Variants in TENM2 observed in about 807,000 individuals in gnomAD.
The protein encoded by TENM2 is teneurin transmembrane protein 2.
A neutral mutation model predicts 245.2 loss-of-function variants in TENM2; 52 were observed. That is an observed-to-expected ratio of 0.21 (90% CI 0.17 to 0.27). TENM2 has a LOEUF of 0.27. Among genes scored for constraint, TENM2 ranks in the 10% least tolerant of loss-of-function variants. The pLI, the probability that TENM2 is intolerant of heterozygous loss-of-function variation, is 1.00. For missense variants in TENM2, 3,046 were observed against 3,666.8 expected (o/e 0.83, Z 4.37); for synonymous variants, 1,363 against 1,438.9 (o/e 0.95, Z 1.19).
intron 2 of TENM2, among the ~76,000 whole-genome samples, chr5:167,410,611 A>G (rs1230834491): frequency 6.6e-6 from 1 of 152,160 alleles, no homozygotes; most frequent in East Asian, 1.9e-4. Flanking sequence ...CTCCCCATAA[A>G]GTTCTGTGTA....
At chr5:167,799,016 G>A (rs1417724172) in intron 2 of TENM2, among the ~76,000 whole-genome samples, 3 of 152,154 alleles carry the variant, frequency 2.0e-5, no homozygotes, top group Admixed American at 6.5e-5. Flanking sequence ...AATAGTCAGC[G>A]CCCAGGTGGC....
chr5:167,487,477 C>T (rs1246199917), intron 2 of TENM2, among the ~76,000 whole-genome samples: 3 of 151,680 alleles, frequency 2.0e-5, no homozygotes, highest in Non-Finnish European at 4.4e-5. Flanking sequence ...TTGTGTGTGT[C>T]TTTTATATGC....
At position 168,116,555 on chromosome 5, in the gene TENM2, C is replaced by T. The variant is rs74795750; in HGVS notation, c.1814-1737C>T. 5.4e-3 allele frequency among the ~76,000 whole-genome samples: 816 copies of T among 152,302 alleles called. 6 individuals carry two copies. Among genetic ancestry groups the T allele is most frequent in the African/African-American group, 0.019 (780 of 41,554 alleles). ...TTTAGTGCTTGCCCGCAACCCCCCA[C>T]CACTGGGAAATCTCTGAATATCAGG... On this transcript the variant is annotated intron_variant, in intron 9 of 28. Coordinates refer to ENST00000518659, the Ensembl canonical transcript of TENM2.
chr5:167,885,270 T>C (rs1218181534), intron 3 of TENM2, among the ~76,000 whole-genome samples: 1 of 152,234 alleles, frequency 6.6e-6, no homozygotes, highest in Non-Finnish European at 1.5e-5. Context: ...CCAGTATATC[T>C]ATTTTTACTT....
the TENM2 span, among the ~76,000 whole-genome samples, chr5:167,106,637 G>A: frequency 6.6e-6 from 1 of 152,202 alleles, no homozygotes; most frequent in Non-Finnish European, 1.5e-5. Flanking sequence ...AGCTTTGGTG[G>A]TGGTGTGAAA....
chr5:168,263,656 T>C (rs1197270264), downstream of TENM2: 3 of 152,628 alleles, frequency 2.0e-5, no homozygotes, highest in African/African-American at 7.2e-5. Context: ...CAGATAAATT[T>C]CATACTCTTT....
intron 5 of TENM2, among the ~76,000 whole-genome samples, chr5:168,044,134 G>T (rs559117964): frequency 3.9e-5 from 6 of 152,298 alleles, no homozygotes; most frequent in African/African-American, 1.4e-4. Context: ...GTTCAATGAT[G>T]GTGGGGCGCG....
chr5:168,068,172 T>C (rs938559653), intron 7 of TENM2, among the ~76,000 whole-genome samples: 2 of 152,024 alleles, frequency 1.3e-5, no homozygotes, highest in South Asian at 2.1e-4. Context: ...AGAAATCTCA[T>C]GGCATGCTTG....
rs372033723 is a variant in TENM2 at position 167,568,160 on chromosome 5, G to T, written c.502+192687G>T. 2.1e-3 allele frequency among the ~76,000 whole-genome samples: 320 copies of T among 152,134 alleles called. 12 individuals carry two copies. In the South Asian group the frequency reaches 0.064, roughly 31 times the overall value. On this transcript the variant is annotated intron_variant, in intron 2 of 28. Coordinates refer to ENST00000518659, the Ensembl canonical transcript of TENM2. ...AAATTATATGTATTAAAATGTTCTC[G>T]GCAATGGGTGCTTAGACATGGGAGG...
the TENM2 span, among the ~76,000 whole-genome samples, chr5:167,263,740 G>A: frequency 1.3e-5 from 2 of 151,136 alleles, no homozygotes; most frequent in Admixed American, 1.3e-4. Flanking sequence ...AAAAAAAAAA[G>A]AGCATTTTTA....
At chr5:167,803,482 C>T (rs1427348545) in intron 2 of TENM2, among the ~76,000 whole-genome samples, 6 of 151,936 alleles carry the variant, frequency 3.9e-5, no homozygotes, top group African/African-American at 7.3e-5. Context: ...TCTTTATTTC[C>T]GGGAGTGGGT....
chr5:168,037,260 A>G (rs1193837485), intron 5 of TENM2, among the ~76,000 whole-genome samples: 2 of 152,194 alleles, frequency 1.3e-5, no homozygotes, highest in Admixed American at 1.3e-4. Flanking sequence ...CCATGTGCCT[A>G]ATTTGGCTTT....
the TENM2 span, among the ~76,000 whole-genome samples, chr5:167,234,869 A>G: frequency 6.6e-6 from 1 of 152,134 alleles, no homozygotes; most frequent in Admixed American, 6.6e-5. Flanking sequence ...AGCATACTTT[A>G]TGCTGTTTCC....
chr5:168,011,720 G>C (rs1394052512), intron 5 of TENM2, among the ~76,000 whole-genome samples: 1 of 152,090 alleles, frequency 6.6e-6, no homozygotes, highest in African/African-American at 2.4e-5. Context: ...GACTGAACTG[G>C]TCAGCTCTAT....
chr5:167,527,287 TAAGAA>T (rs904481035), intron 2 of TENM2, among the ~76,000 whole-genome samples: 29 of 152,096 alleles, frequency 1.9e-4, no homozygotes, highest in African/African-American at 5.8e-4. Context: ...AACTAAAAAT[TAAGAA>T]AAGAACAGTC....
chr5:168,242,880 C>G (rs1037442167), intron 25 of TENM2, among the ~76,000 whole-genome samples: 1 of 151,972 alleles, frequency 6.6e-6, no homozygotes, highest in African/African-American at 2.4e-5. Context: ...TCACTTGAAC[C>G]CGGGAGACAG....
chr5:168,230,509 C>G (rs1764764070), intron 25 of TENM2, among the ~76,000 whole-genome samples: 1 of 152,092 alleles, frequency 6.6e-6, no homozygotes, highest in African/African-American at 2.4e-5. Flanking sequence ...GGGGAGTGGC[C>G]ATTTCGTCAG....
At chr5:167,970,580 A>G (rs1475245198) in intron 4 of TENM2, among the ~76,000 whole-genome samples, 1 of 152,188 alleles carries the variant, frequency 6.6e-6, no homozygotes, top group East Asian at 1.9e-4. Context: ...TGAATGGGAA[A>G]CATTTAACTC....
the TENM2 span, among the ~76,000 whole-genome samples, chr5:167,269,954 G>T: frequency 2.6e-5 from 4 of 152,108 alleles, no homozygotes; most frequent in Non-Finnish European, 5.9e-5. Context: ...TGAACAAGTA[G>T]TCAGATAGTT....
Sources: gnomAD v4.1 joint callset for allele counts (sites outside exome capture counted in the v4.1 genomes callset) on GRCh38, gnomAD v4.1.1 for gene constraint, MANE v1.5 for transcripts, NCBI Gene and HGNC (gene_info 2026-07-23, HGNC 2026-07-21) for gene names.